Variants in ATR observed in about 807,000 individuals in gnomAD.
The protein encoded by ATR is serine/threonine-protein kinase ATR.
ATR carries 142 observed loss-of-function variants against 305.3 expected under a neutral mutation model. The observed-to-expected ratio is 0.47, with a 90% CI of 0.41 to 0.53. The LOEUF (loss-of-function observed/expected upper bound fraction) is 0.53. ATR is among the 20% of genes least tolerant of loss of function. ATR has a pLI of 0.00. For missense variants in ATR, 2,135 were observed against 3,133.1 expected, an observed-to-expected ratio of 0.68 and a Z score of 7.60; for synonymous variants, 1,050 against 1,068.1, an observed-to-expected ratio of 0.98 and a Z score of 0.33.
chr3:142,517,004 T>TATATATATATATATATATATATATATAC, intron 24 of ATR, among the ~76,000 whole-genome samples: 4 of 148,544 alleles, frequency 2.7e-5, no homozygotes, highest in African/African-American at 9.8e-5. Flanking sequence ...TATATATATA[T>TATATATATATATATATATATATATATAC]ATACATATTT....
chr3:142,559,398 A>G lies in ATR; in HGVS notation c.1585T>C (p.Ser529Pro). ...DCQHKSKKKP[S>P]VVITWMSLDF... The stretch of plus-strand genomic sequence containing the variant: ...AATGACATCCAAGTTATCACTACAG[A>G]AGGTTTCTTCTTGGATTTATGTTGA... The change falls in exon 7 of 47, where the codon TCT becomes CCT. Residue 529 changes from serine (S) to proline (P), a missense_variant. Around this residue, in one of 9 missense-constraint regions of ATR, gnomAD observed 744 missense variants for 873.2 expected, o/e 0.85. Transcript: ENST00000350721. 1 of 1,613,958 alleles carries G rather than the reference A, an allele frequency of 6.2e-7. No homozygotes were observed. Among genetic ancestry groups the G allele is most frequent in the Non-Finnish European group, 8.5e-7 (1 of 1,179,922 alleles).
At chr3:142,453,595 G>C (rs2108250472) in intron 45 of ATR, among the ~76,000 whole-genome samples, 1 of 152,228 alleles carries the variant, frequency 6.6e-6, no homozygotes, top group South Asian at 2.1e-4. Context: ...CTACCATATA[G>C]ACCTAGCCCA....
chr3:142,507,763 G>A (rs571678130), intron 28 of ATR, among the ~76,000 whole-genome samples, 168 bp downstream of exon 28: 19 of 152,068 alleles, frequency 1.2e-4, no homozygotes, highest in Non-Finnish European at 2.6e-4. Context: ...CAGGGTACAT[G>A]TGTGTTACTG....
chr3:142,512,234 A>AAG, intron 27 of ATR, 26 bp downstream of exon 27: 1 of 1,564,416 alleles, frequency 6.4e-7, no homozygotes, highest in African/African-American at 1.4e-5. Context: ...AAAAAAAAAA[A>AAG]AAAAGAAACA....
At chr3:142,514,198 G>A (rs7621810) in intron 25 of ATR, among the ~76,000 whole-genome samples, 6,097 of 152,060 alleles carry the variant, frequency 0.04, 407 homozygotes, top group African/African-American at 0.14. Context: ...ACTTAAACCC[G>A]GGAGGCGGAG....
intron 21 of ATR, among the ~76,000 whole-genome samples, chr3:142,528,854 CATATAT>C (rs1191100552): frequency 4.1e-4 from 27 of 65,696 alleles, no homozygotes; most frequent in South Asian, 9.7e-4. Context: ...CTGGAATTAT[CATATAT>C]ATATATATAT....
At chr3:142,571,528 G>A (rs2035261437) in intron 1 of ATR, among the ~76,000 whole-genome samples, 1 of 151,934 alleles carries the variant, frequency 6.6e-6, no homozygotes. Context: ...CAAGTATCAT[G>A]TACACCCAAA....
chr3:142,495,474 G>C (rs1303922420), intron 34 of ATR, among the ~76,000 whole-genome samples: 1 of 152,192 alleles, frequency 6.6e-6, no homozygotes, highest in Non-Finnish European at 1.5e-5. Flanking sequence ...GCCAGGCGCG[G>C]TGGCTCACGC....
At position 142,510,306 on chromosome 3, in the gene ATR, G is replaced by A. The variant is rs2032488280; in HGVS notation, c.4852+1954C>T. On this transcript the variant is annotated intron_variant, in intron 27 of 46. Transcript: ENST00000350721. ...AGCCCAGGAGTTAGAGACCAGCCTG[G>A]CCAACATGGTGAAGCCCCGTCTCTA... is the stretch of plus-strand genomic sequence containing the variant. Among the ~76,000 whole-genome samples, 4 of 151,704 alleles carry A rather than the reference G, an allele frequency of 2.6e-5. No individual in the cohort carries two copies. The South Asian group carries it at 8.3e-4, about 32-fold the overall frequency.
chr3:142,568,015 G>T (rs1560004001), intron 2 of ATR, 48 bp downstream of exon 2: 3 of 1,411,240 alleles, frequency 2.1e-6, no homozygotes, highest in Admixed American at 2.0e-5. Context: ...ACATGGAAAA[G>T]AAAAGTCTAA....
intron 4 of ATR, 48 bp downstream of exon 4, chr3:142,562,184 A>G: frequency 1.3e-6 from 2 of 1,592,636 alleles, no homozygotes; most frequent in Non-Finnish European, 1.7e-6. Flanking sequence ...ATACAATTAA[A>G]TGATGAACAA....
At position 142,558,561 on chromosome 3, in the gene ATR, G is replaced by A. The variant is rs201864026; in HGVS notation, c.1885+63C>T. On this transcript the variant is annotated intron_variant, in intron 8 of 46. Transcript: ENST00000350721. ...AAATAAATAAATAAATAAATAAATAGATAGATAGATAGATAGATAGATAAA... is the reference window on the plus strand; with the variant it reads ...AAATAAATAAATAAATAAATAAATAAATAGATAGATAGATAGATAGATAAA... 0.012 allele frequency: 12,390 copies of A among 1,038,226 alleles called. 188 individuals carry two copies. The highest frequency in any genetic ancestry group is 0.039 in the African/African-American group (2,181 of 55,542). The allele number at this position is 1,038,226 out of a possible 1,614,324, so 64.3% of individuals were successfully genotyped here. A position where few individuals can be genotyped will look rare whatever the true frequency, so the allele number is the denominator to read the frequency against.
intron 34 of ATR, among the ~76,000 whole-genome samples, chr3:142,494,473 AAG>A (rs1396580950): frequency 6.6e-6 from 1 of 152,230 alleles, no homozygotes; most frequent in Non-Finnish European, 1.5e-5. Flanking sequence ...CAGGATAGAG[AAG>A]AGAGTCCCTT....
Position 142,498,774 on chromosome 3 carries a change from T to C in ATR, c.5381A>G (p.Asp1794Gly), listed in dbSNP as rs376922396. The change falls in exon 32 of 47, where the codon GAT (aspartate) becomes GGT (glycine). Residue 1794 changes from aspartate to glycine, a missense_variant and splice_region_variant. Physicochemically the swap from Asp to Gly is moderately conservative, Grantham distance 94. Around this residue, in one of 9 missense-constraint regions of ATR, gnomAD observed 117 missense variants for 198.3 expected, o/e 0.59. Transcript: ENST00000350721. ...GACACTCCATGTTGTAGATTTTCCA[T>C]CTGAAAAACAAATGAAGAGTCAAGA... is the stretch of plus-strand genomic sequence containing the variant. Reference protein sequence around the residue: ...WDLVENYLAADGKSTTWSVRL... With the variant: ...WDLVENYLAAGGKSTTWSVRL... 13 of 1,613,800 alleles carry C rather than the reference T, an allele frequency of 8.1e-6. No homozygotes were observed. The highest frequency in any genetic ancestry group is 1.0e-5 in the Non-Finnish European group (12 of 1,179,940).
chr3:142,519,318 T>C lies in ATR; in HGVS notation c.4382+351A>G, dbSNP rs543144198. ...AATCACATTAATTTTTTTTTTTTTT[T>C]CCAAACAAAGTCTCGCTCTGTCACC... On this transcript the variant is annotated intron_variant, in intron 24 of 46. Coordinates refer to ENST00000350721, the MANE Select transcript of ATR (RefSeq NM_001184.4). 4.7e-3 allele frequency among the ~76,000 whole-genome samples: 709 copies of C among 151,674 alleles called. 12 individuals carry two copies. The highest frequency in any genetic ancestry group is 0.015 in the African/African-American group (615 of 41,262).
intron 24 of ATR, among the ~76,000 whole-genome samples, chr3:142,519,170 GTA>G (rs1376843059): frequency 2.0e-5 from 3 of 152,064 alleles, no homozygotes; most frequent in Admixed American, 1.3e-4. Context: ...ATTTAAAGTT[GTA>G]GAATTTAACC....
intron 1 of ATR, among the ~76,000 whole-genome samples, chr3:142,577,696 G>C (rs1280127906): frequency 6.6e-6 from 1 of 152,218 alleles, no homozygotes; most frequent in Non-Finnish European, 1.5e-5. Flanking sequence ...TGTGTGGAAA[G>C]TTTTCAAACA....
At chr3:142,458,535 G>A (rs1377230504) in intron 44 of ATR, among the ~76,000 whole-genome samples, 1 of 152,042 alleles carries the variant, frequency 6.6e-6, no homozygotes, top group African/African-American at 2.4e-5. Flanking sequence ...GTCCCACTCT[G>A]GACCTACAGA....
At chr3:142,523,919 T>C (rs2033260694) in intron 22 of ATR, 74 bp downstream of exon 22, 3 of 1,459,622 alleles carry the variant, frequency 2.1e-6, no homozygotes, top group Non-Finnish European at 2.8e-6. Context: ...AGCTGAATAG[T>C]TCTTTGTAAA....
Sources: gnomAD v4.1 joint callset for allele counts (sites outside exome capture counted in the v4.1 genomes callset) on GRCh38, gnomAD v4.1.1 for gene constraint, gnomAD v4.1.1 regional missense constraint, MANE v1.5 for transcripts, NCBI Gene and HGNC (gene_info 2026-07-23, HGNC 2026-07-21) for gene names.